The following DTD1 variants were observed in gnomAD, a reference collection of about 807,000 sequenced individuals.
The protein encoded by DTD1 is D-aminoacyl-tRNA deacylase 1.
Under a neutral mutation model 25.6 loss-of-function variants are expected in DTD1, and 13 were observed. The observed-to-expected ratio is 0.51, with a 90% confidence interval of 0.33 to 0.81. DTD1 has a LOEUF of 0.81. Among genes scored for constraint, DTD1 ranks in the 30% least tolerant of loss-of-function variants. DTD1 has a pLI of 0.02. For synonymous variants in DTD1, 110 were observed against 103.6 expected (o/e 1.06, Z -0.37); for missense variants, 193 against 266.4 (o/e 0.72, Z 1.92).
intron 5 of DTD1, among the ~76,000 whole-genome samples, chr20:18,751,160 T>C (rs907187628): frequency 1.3e-5 from 2 of 152,168 alleles, no homozygotes; most frequent in Admixed American, 6.5e-5. Context: ...AGGACTCCTT[T>C]CATTCTCTGA....
rs1386804881 is a variant in DTD1, at chr20:18,764,656, G to C, written c.*1316G>C. ...TCTCTTGGAATATAGAGTTGGAAAA[G>C]GGTCTGCCAGACTGCTTTGTTCTAA... On this transcript the variant is annotated 3_prime_UTR_variant, in exon 6 of 6. Coordinates refer to ENST00000377452, the MANE Select transcript of DTD1 (RefSeq NM_080820.6). 2 of 152,152 alleles carry C rather than the reference G, an allele frequency of 1.3e-5. No individual in the cohort carries two copies. Among genetic ancestry groups the C allele is most frequent in the African/African-American group, 2.4e-5 (1 of 41,436 alleles). 9.4% of individuals were successfully genotyped at this position (152,152 alleles called of 1,614,324 possible).
At chr20:18,762,009 G>A (rs1370832512) in intron 5 of DTD1, among the ~76,000 whole-genome samples, 1 of 152,184 alleles carries the variant, frequency 6.6e-6, no homozygotes, top group African/African-American at 2.4e-5. Flanking sequence ...TAGCCCTTGG[G>A]GATATGGTGG....
At chr20:18,743,972 A>G (rs1055721528) in intron 4 of DTD1, 128 bp from the exon 5 acceptor site, 2 of 931,752 alleles carry the variant, frequency 2.1e-6, no homozygotes, top group Admixed American at 5.6e-5. Flanking sequence ...TATCTGAACC[A>G]CTGTGCTCTG....
chr20:18,588,823 G>T, intron 1 of DTD1: 1 of 985,388 alleles, frequency 1.0e-6, no homozygotes, highest in Non-Finnish European at 1.2e-6. Context: ...TTTCGTCTCG[G>T]TTGGGCATCA....
chr20:18,670,477 A>C (rs2122388621), intron 4 of DTD1, among the ~76,000 whole-genome samples: 1 of 152,298 alleles, frequency 6.6e-6, no homozygotes. Context: ...AACAAATGTA[A>C]GTCATTTCCA....
intron 4 of DTD1, among the ~76,000 whole-genome samples, chr20:18,726,606 T>C (rs528316848): frequency 2.1e-4 from 32 of 152,274 alleles, no homozygotes; most frequent in African/African-American, 7.5e-4. Context: ...GGAAGCCCCA[T>C]TGGGATGACT....
intron 1 of DTD1, among the ~76,000 whole-genome samples, chr20:18,590,097 G>A (rs933813762): frequency 2.5e-4 from 38 of 152,234 alleles, no homozygotes; most frequent in African/African-American, 8.9e-4. Context: ...GGTCAGGACA[G>A]CATAGATTAT....
chr20:18,747,424 C>T (rs1310427350), intron 5 of DTD1, among the ~76,000 whole-genome samples: 1 of 152,174 alleles, frequency 6.6e-6, no homozygotes, highest in East Asian at 1.9e-4. Context: ...CGCCATGTTT[C>T]TGTGTTTTCT....
intron 3 of DTD1, among the ~76,000 whole-genome samples, chr20:18,616,250 T>C (rs889937916): frequency 6.6e-6 from 1 of 152,196 alleles, no homozygotes; most frequent in African/African-American, 2.4e-5. Flanking sequence ...TTCATTCTCT[T>C]CATTAATTTG....
chr20:18,672,627 A>C (rs923287409), intron 4 of DTD1, among the ~76,000 whole-genome samples: 2 of 152,224 alleles, frequency 1.3e-5, no homozygotes, highest in Admixed American at 6.5e-5. Context: ...AAAATTCTCT[A>C]AGAATGAAAG....
At position 18,764,422 on chromosome 20, in the gene DTD1, T is replaced by C. The variant is rs1176912104; in HGVS notation, c.*1082T>C. 2.0e-5 allele frequency: 3 copies of C among 152,252 alleles called. No homozygotes were observed. Among genetic ancestry groups the C allele is most frequent in the Admixed American group, 2.0e-4 (3 of 15,280 alleles). The allele number at this position is 152,252 out of a possible 1,614,324, so 9.4% of individuals were successfully genotyped here. A position where few individuals can be genotyped will look rare whatever the true frequency, so the allele number is the denominator to read the frequency against. ...TTTGACATATGATTTAATAGCTTTA[T>C]TTATATATCTAATAACGCTCGCATA... On this transcript the variant is annotated 3_prime_UTR_variant, in exon 6 of 6. Transcript: ENST00000377452.
At chr20:18,647,278 T>C (rs1188747341) in intron 4 of DTD1, among the ~76,000 whole-genome samples, 4 of 152,222 alleles carry the variant, frequency 2.6e-5, no homozygotes, top group African/African-American at 9.7e-5. Context: ...CTACTTTTCA[T>C]GTGCCAGATT....
At chr20:18,631,468 A>T in intron 4 of DTD1, 1 of 985,602 alleles carries the variant, frequency 1.0e-6, no homozygotes, top group Non-Finnish European at 1.2e-6. Flanking sequence ...TGCCTCTCAC[A>T]GTCATCCATC....
chr20:18,664,300 AC>A (rs1189895138), intron 4 of DTD1, among the ~76,000 whole-genome samples: 1 of 152,244 alleles, frequency 6.6e-6, no homozygotes, highest in Non-Finnish European at 1.5e-5. Flanking sequence ...CTTATTTAAG[AC>A]CTATAAGAAG....
At chr20:18,698,573 G>C (rs1035718380) in intron 4 of DTD1, 1 of 152,230 alleles carries the variant, frequency 6.6e-6, no homozygotes, top group Non-Finnish European at 1.5e-5. Context: ...GAATGAACTT[G>C]TTAGCTGTCT....
intron 4 of DTD1, among the ~76,000 whole-genome samples, chr20:18,669,567 G>A (rs2060944367): frequency 6.6e-6 from 1 of 152,066 alleles, no homozygotes; most frequent in East Asian, 1.9e-4. Context: ...TCCACATCTT[G>A]GTGATAATGA....
At position 18,616,820 on chromosome 20, in the gene DTD1, T is replaced by A. The variant is rs529476808; in HGVS notation, c.371-11307T>A. On this transcript the variant is annotated intron_variant, in intron 3 of 5. Coordinates refer to ENST00000377452, the MANE Select transcript of DTD1 (RefSeq NM_080820.6). Reference sequence around the variant, plus strand: ...AGACCCTGTCTCTAAAAAATTTTTTTAAAAAAGCAGTGTCAGTGGTATGGT... The same window carrying A: ...AGACCCTGTCTCTAAAAAATTTTTTAAAAAAAGCAGTGTCAGTGGTATGGT... 2.0e-5 allele frequency among the ~76,000 whole-genome samples: 3 copies of A among 152,162 alleles called. No individual in the cohort carries two copies. In the East Asian group the frequency reaches 5.8e-4, roughly 29 times the overall value.
chr20:18,736,484 G>T (rs1459214206), intron 4 of DTD1, among the ~76,000 whole-genome samples: 1 of 152,234 alleles, frequency 6.6e-6, no homozygotes, highest in Non-Finnish European at 1.5e-5. Context: ...AGTGTGAAGG[G>T]ATCTGTCTTT....
At chr20:18,677,706 A>G (rs1322292673) in intron 4 of DTD1, among the ~76,000 whole-genome samples, 1 of 152,198 alleles carries the variant, frequency 6.6e-6, no homozygotes, top group Non-Finnish European at 1.5e-5. Context: ...GTTTCAGTTT[A>G]CTGATGCAGA....
Sources: gnomAD v4.1 joint callset for allele counts (sites outside exome capture counted in the v4.1 genomes callset) on GRCh38, gnomAD v4.1.1 for gene constraint, MANE v1.5 for transcripts, NCBI Gene and HGNC (gene_info 2026-07-23, HGNC 2026-07-21) for gene names.